Variants in UNC79 observed in about 807,000 individuals in gnomAD.
The protein encoded by UNC79 is unc-79 subunit of NALCN channel complex, also known as protein unc-79 homolog.
Under a neutral mutation model 283.1 loss-of-function variants are expected in UNC79, and 37 were observed. That is an observed-to-expected ratio of 0.13 (90% CI 0.10 to 0.17). UNC79 has a LOEUF of 0.17. Among genes scored for constraint, UNC79 ranks in the 10% least tolerant of loss-of-function variants. The pLI, the probability that UNC79 is intolerant of heterozygous loss-of-function variation, is 1.00. For missense variants in UNC79, 2,272 were observed against 3,211.1 expected, an observed-to-expected ratio of 0.71 and a Z score of 7.07; for synonymous variants, 1,107 against 1,200.2, an observed-to-expected ratio of 0.92 and a Z score of 1.61.
chr14:93,338,807 G>A (rs1453199116), intron 1 of UNC79, among the ~76,000 whole-genome samples: 1 of 152,212 alleles, frequency 6.6e-6, no homozygotes, highest in African/African-American at 2.4e-5. Flanking sequence ...TATTCAGGTG[G>A]CTGAGGTGGG....
At chr14:93,575,351 C>A (rs1283753635) in intron 17 of UNC79, among the ~76,000 whole-genome samples, 153 bp downstream of exon 17, 6 of 152,182 alleles carry the variant, frequency 3.9e-5, no homozygotes, top group Non-Finnish European at 8.8e-5. Context: ...TAAATAGTCA[C>A]ATTTGTTTGG....
intron 1 of UNC79, 22 bp from the exon 2 acceptor site, chr14:93,467,649 T>TTTTTTTTTTTTTTTTTG (rs2057276252): frequency 9.1e-7 from 1 of 1,103,920 alleles, no homozygotes; most frequent in Non-Finnish European, 1.1e-6. Context: ...TTTTTTTTTT[T>TTTTTTTTTTTTTTTTTG]TTTTTTTTTG....
At chr14:93,520,405 C>T (rs1214618411) in intron 7 of UNC79, among the ~76,000 whole-genome samples, 1 of 151,610 alleles carries the variant, frequency 6.6e-6, no homozygotes, top group Non-Finnish European at 1.5e-5. Context: ...TTTTATCTTG[C>T]CTAGGATTCA....
chr14:93,673,033 G>A (rs2073024468), intron 40 of UNC79, among the ~76,000 whole-genome samples: 1 of 152,042 alleles, frequency 6.6e-6, no homozygotes, highest in Admixed American at 6.5e-5. Flanking sequence ...AATACTTTTC[G>A]ACTGATTTAA....
intron 23 of UNC79, among the ~76,000 whole-genome samples, chr14:93,594,113 T>TAC (rs1005718814): frequency 6.6e-6 from 1 of 152,192 alleles, no homozygotes. Context: ...CACCCATGTT[T>TAC]ACTCCCAAAC....
At chr14:93,455,352 A>G (rs1223037760) in intron 1 of UNC79, among the ~76,000 whole-genome samples, 1 of 152,120 alleles carries the variant, frequency 6.6e-6, no homozygotes, top group Non-Finnish European at 1.5e-5. Context: ...TTCTCTCCAC[A>G]TCTCCATTTC....
Position 93,641,256 on chromosome 14 carries a change from GCA to G in UNC79, c.5903+12_5903+13del, listed in dbSNP as rs747125735. On this transcript the variant is annotated intron_variant, in intron 33 of 48. Coordinates refer to ENST00000555664, the Ensembl canonical transcript of UNC79. ...ACGGTGATGACGGACAAGTAAGCTC[GCA>G]CAGTTATTTTCTTCACCATGTTTAC... The G allele has an allele frequency of 2.5e-6, 4 of 1,608,602 alleles. No individual in the cohort carries two copies. The highest frequency in any genetic ancestry group is 2.2e-5 in the East Asian group (1 of 44,708).
At chr14:93,676,655 T>A (rs1262565562) in intron 41 of UNC79, among the ~76,000 whole-genome samples, 1 of 152,202 alleles carries the variant, frequency 6.6e-6, no homozygotes, top group Non-Finnish European at 1.5e-5. Context: ...CACTCCATAC[T>A]GTAACTGCTG....
intron 2 of UNC79, among the ~76,000 whole-genome samples, chr14:93,468,009 C>T (rs1484834938): frequency 2.0e-5 from 3 of 152,008 alleles, no homozygotes; most frequent in East Asian, 1.9e-4. Flanking sequence ...CCTGCTTTCC[C>T]GCATTGAACA....
Position 93,596,350 on chromosome 14 carries a change from G to A in UNC79, c.3191-1009G>A, listed in dbSNP as rs144848737. Among the ~76,000 whole-genome samples, 3 of 152,168 alleles carry A rather than the reference G, an allele frequency of 2.0e-5. No individual in the cohort carries two copies. The East Asian group carries it at 5.8e-4, about 29-fold the overall frequency. On this transcript the variant is annotated intron_variant, in intron 23 of 48. Coordinates refer to ENST00000555664, the Ensembl canonical transcript of UNC79. ...GTAGAATGTCAATAGGAAGAATACT[G>A]TAGGCTGGGTGCAGTGGCTCATGCC...
intron 1 of UNC79, among the ~76,000 whole-genome samples, chr14:93,336,991 G>A (rs748051017): frequency 6.6e-6 from 1 of 152,146 alleles, no homozygotes; most frequent in African/African-American, 2.4e-5. Context: ...TCCTAGGTGG[G>A]AAGGGGTGGG....
chr14:93,394,344 C>A (rs2054944171), intron 1 of UNC79, among the ~76,000 whole-genome samples: 1 of 127,836 alleles, frequency 7.8e-6, no homozygotes, highest in Admixed American at 7.6e-5. Context: ...TTGCTTCATG[C>A]AATTGTCTTT....
rs1446274222 is a variant in UNC79 at position 93,682,679 on chromosome 14, A to G, written c.6804A>G (p.Ile2268Met). 3 of 1,613,920 alleles carry G rather than the reference A, an allele frequency of 1.9e-6. No homozygotes were observed. In the African/African-American group the frequency reaches 4.0e-5, roughly 22 times the overall value. ...CAACAATCCTGAGCAAGCAGATGATAGCCTCTGTACCTGGAGTAAGTCCTG... is the reference window on the plus strand; with the variant it reads ...CAACAATCCTGAGCAAGCAGATGATGGCCTCTGTACCTGGAGTAAGTCCTG... Residue 2268 changes from isoleucine to methionine, a missense_variant, in exon 42 of 49, where the codon ATA becomes ATG. By Grantham distance (10) the Ile-to-Met change is conservative. Transcript: ENST00000555664.
intron 14 of UNC79, among the ~76,000 whole-genome samples, chr14:93,553,889 T>G (rs2141330418): frequency 6.6e-6 from 1 of 152,360 alleles, no homozygotes; most frequent in East Asian, 1.9e-4. Context: ...TTCAGGATTT[T>G]ATTTTGGAAA....
chr14:93,514,621 T>C (rs1275634149), intron 7 of UNC79, among the ~76,000 whole-genome samples: 1 of 152,206 alleles, frequency 6.6e-6, no homozygotes, highest in Non-Finnish European at 1.5e-5. Flanking sequence ...CTCTCCTCTG[T>C]TCTCTACCTT....
intron 1 of UNC79, among the ~76,000 whole-genome samples, chr14:93,451,631 G>A (rs1302414812): frequency 6.6e-6 from 1 of 152,204 alleles, no homozygotes; most frequent in East Asian, 1.9e-4. Flanking sequence ...GGCATGTGAA[G>A]TGGGGGAGAA....
chr14:93,392,596 A>G (rs1355352025), intron 1 of UNC79, among the ~76,000 whole-genome samples: 4 of 152,198 alleles, frequency 2.6e-5, no homozygotes, highest in Admixed American at 1.3e-4. Flanking sequence ...CACATATTCA[A>G]ACAAGCTAAA....
chr14:93,437,546 A>G (rs954247362), intron 1 of UNC79: 1 of 152,190 alleles, frequency 6.6e-6, no homozygotes, highest in Admixed American at 6.5e-5. Flanking sequence ...ACGCTGTATT[A>G]GTTTTCTAGA....
intron 5 of UNC79, among the ~76,000 whole-genome samples, chr14:93,489,896 G>A (rs1232475043): frequency 1.3e-5 from 2 of 152,196 alleles, no homozygotes; most frequent in African/African-American, 4.8e-5. Context: ...GGGGTCCGGT[G>A]CCCATGACTC....
Sources: allele counts gnomAD v4.1 joint callset (sites outside exome capture counted in the v4.1 genomes callset), GRCh38; gene constraint gnomAD v4.1.1; transcripts MANE v1.5; gene names NCBI Gene and HGNC (gene_info 2026-07-23, HGNC 2026-07-21).